The following RNF220 variants were observed in gnomAD, a reference collection of about 807,000 sequenced individuals.
The protein encoded by RNF220 is E3 ubiquitin-protein ligase RNF220.
RNF220 carries 7 observed loss-of-function variants against 67.1 expected under a neutral mutation model. The ratio of observed to expected loss-of-function variants is 0.10; its 90% CI spans 0.06 to 0.20. The LOEUF (loss-of-function observed/expected upper bound fraction) is 0.20, where lower values mean the gene tolerates loss of function less well. Ranked by LOEUF, RNF220 falls within the 10% of genes least tolerant of loss-of-function variation. RNF220 has a pLI of 1.00. For synonymous variants in RNF220, 270 were observed against 283.2 expected, an observed-to-expected ratio of 0.95 and a Z score of 0.47; for missense variants, 565 against 740.3, an observed-to-expected ratio of 0.76 and a Z score of 2.75.
intron 2 of RNF220, among the ~76,000 whole-genome samples, chr1:44,563,982 A>G (rs1284297946): frequency 1.3e-5 from 2 of 152,150 alleles, no homozygotes; most frequent in South Asian, 2.1e-4. Flanking sequence ...ATTCAATTCA[A>G]TTCAACATTT....
chr1:44,626,389 C>T lies in RNF220; in HGVS notation c.897C>T (p.Asp299=). 1 of 1,613,654 alleles carries T rather than the reference C, an allele frequency of 6.2e-7. No individual in the cohort carries two copies. Among genetic ancestry groups the T allele is most frequent in the Non-Finnish European group, 8.5e-7 (1 of 1,179,612 alleles). The change falls in exon 5 of 15, where the codon GAC becomes GAT. Residue 299 remains aspartate, a synonymous_variant. Coordinates refer to ENST00000361799, the MANE Select transcript of RNF220 (RefSeq NM_018150.4). ...CCACCGATGACCTCCACCATTCAGACAGATACCAGGTGAGGAGGGGTGGTG... is the reference window on the plus strand; with the variant it reads ...CCACCGATGACCTCCACCATTCAGATAGATACCAGGTGAGGAGGGGTGGTG... ...SSATDDLHHS[D]RYQTFLRVRA...
chr1:44,457,525 G>T (rs1461313301), intron 2 of RNF220, among the ~76,000 whole-genome samples: 1 of 151,736 alleles, frequency 6.6e-6, no homozygotes, highest in Non-Finnish European at 1.5e-5. Flanking sequence ...TTTACAATAA[G>T]ATGGTAAAGG....
Position 44,650,216 on chromosome 1 carries a change from G to A in RNF220, c.1629+259G>A. 7.0e-6 allele frequency: 4 copies of A among 570,898 alleles called. No homozygotes were observed. The highest frequency in any genetic ancestry group is 1.3e-5 in the Non-Finnish European group (4 of 319,662). The allele number at this position is 570,898 out of a possible 1,614,324, so 35.4% of individuals were successfully genotyped here. On this transcript the variant is annotated intron_variant, in intron 14 of 14. Coordinates refer to ENST00000361799, the MANE Select transcript of RNF220 (RefSeq NM_018150.4). The surrounding 1 kb of genome is among the most constrained non-coding windows in gnomAD (Gnocchi z 4.3). ...CCGCCCCGGTCCCCGAAGGCCCACT[G>A]CATCACACAGACTGGTGAGGCCTGG...
intron 2 of RNF220, among the ~76,000 whole-genome samples, chr1:44,577,851 T>TC (rs1467590334): frequency 6.6e-6 from 1 of 151,912 alleles, no homozygotes; most frequent in African/African-American, 2.4e-5. Context: ...TTTTTTTTTT[T>TC]TTTGAGAAAG....
In RNF220 at chr1:44,645,505, G is replaced by T; in HGVS notation, c.1445+17G>T. ...CATCGAGAAGTAAGTGTTTGGCCAG[G>T]AGAGAGCCCTGGGACCACAGTTCAG... is the stretch of plus-strand genomic sequence containing the variant. On this transcript the variant is annotated intron_variant, in intron 12 of 14. Transcript: ENST00000361799. This position sits in a 1 kb window ranked among gnomAD's most constrained non-coding sequence, Gnocchi z 5.0. 1 of 1,612,526 alleles carries T rather than the reference G, an allele frequency of 6.2e-7. No individual in the cohort carries two copies. The highest frequency in any genetic ancestry group is 8.5e-7 in the Non-Finnish European group (1 of 1,179,240).
At chr1:44,516,992 C>T (rs1659502978) in intron 2 of RNF220, among the ~76,000 whole-genome samples, 2 of 152,098 alleles carry the variant, frequency 1.3e-5, no homozygotes, top group South Asian at 4.1e-4. Context: ...CCTCCCCATC[C>T]ACTTGTCCAA....
intron 2 of RNF220, among the ~76,000 whole-genome samples, chr1:44,495,507 G>T (rs1242445625): frequency 6.6e-6 from 1 of 152,200 alleles, no homozygotes; most frequent in Non-Finnish European, 1.5e-5. Flanking sequence ...GTTAGTAAGG[G>T]AACGTAACCT....
chr1:44,614,341 C>A, intron 3 of RNF220, 44 bp downstream of exon 3: 1 of 1,603,422 alleles, frequency 6.2e-7, no homozygotes, highest in Non-Finnish European at 8.5e-7. Flanking sequence ...GGAGTCCACT[C>A]AGGGTTCTGG....
At chr1:44,557,418 A>G (rs191899996) in intron 2 of RNF220, among the ~76,000 whole-genome samples, 4 of 145,974 alleles carry the variant, frequency 2.7e-5, no homozygotes, top group African/African-American at 5.0e-5. Context: ...GAAGGAAGGA[A>G]GGAGGGAGGG....
chr1:44,558,667 C>T (rs936740115), intron 2 of RNF220, among the ~76,000 whole-genome samples: 2 of 152,158 alleles, frequency 1.3e-5, no homozygotes, highest in Non-Finnish European at 2.9e-5. Context: ...ACAACCTCCC[C>T]CAAGATCACG....
intron 2 of RNF220, among the ~76,000 whole-genome samples, chr1:44,494,297 C>T (rs1247675410): frequency 2.7e-5 from 4 of 150,620 alleles, no homozygotes; most frequent in African/African-American, 9.8e-5. Context: ...ACTTAAGAGA[C>T]ATTACGGGGC....
rs144307189 is a variant in RNF220 at position 44,478,000 on chromosome 1, A to G, written c.625+65278A>G. On this transcript the variant is annotated intron_variant, in intron 2 of 14. Transcript: ENST00000361799. ...GTTTTTATTTCATTTATTTATTGAG[A>G]CAGGGTCTCGCTCTGTCACCCAGGC... is the stretch of plus-strand genomic sequence containing the variant. Among the ~76,000 whole-genome samples the G allele has an allele frequency of 1.1e-4, 17 of 152,226 alleles. No homozygotes were observed. The East Asian group carries it at 3.1e-3, about 28-fold the overall frequency.
rs1200449378 is a variant in RNF220 at position 44,417,026 on chromosome 1, T to C, written c.625+4304T>C. Among the ~76,000 whole-genome samples the C allele has an allele frequency of 6.6e-6, 1 of 152,030 alleles. No individual in the cohort carries two copies. Among genetic ancestry groups the C allele is most frequent in the Admixed American group, 6.5e-5 (1 of 15,270 alleles). Reference sequence around the variant, plus strand: ...GAGGGGGGATACTTTCCAAGGGCTCTGGGACTGGGGTGGGCAGGGACTCTA... The same window carrying C: ...GAGGGGGGATACTTTCCAAGGGCTCCGGGACTGGGGTGGGCAGGGACTCTA... On this transcript the variant is annotated intron_variant, in intron 2 of 14. Transcript: ENST00000361799. This position sits in a 1 kb window ranked among gnomAD's most constrained non-coding sequence, Gnocchi z 4.0.
At chr1:44,548,744 A>T (rs981543698) in intron 2 of RNF220, among the ~76,000 whole-genome samples, 1 of 152,108 alleles carries the variant, frequency 6.6e-6, no homozygotes, top group African/African-American at 2.4e-5. Flanking sequence ...CTCCTACTTC[A>T]GCCTCCCAAA....
At chr1:44,610,136 G>A (rs756385543) in intron 2 of RNF220, among the ~76,000 whole-genome samples, 2 of 152,218 alleles carry the variant, frequency 1.3e-5, no homozygotes, top group African/African-American at 2.4e-5. Context: ...CGGAATGAGC[G>A]ATCCATCTTT....
At chr1:44,603,185 C>T (rs1667047734) in intron 2 of RNF220, among the ~76,000 whole-genome samples, 2 of 152,356 alleles carry the variant, frequency 1.3e-5, no homozygotes, top group Admixed American at 6.5e-5. Context: ...ATTTCCTTAT[C>T]GGCGTATTAT....
chr1:44,566,335 G>A (rs1054415297), intron 2 of RNF220, among the ~76,000 whole-genome samples: 1 of 152,178 alleles, frequency 6.6e-6, no homozygotes, highest in African/African-American at 2.4e-5. Flanking sequence ...GGTGGGAGGT[G>A]GGTACCCAGG....
chr1:44,509,662 C>T (rs541980209), intron 2 of RNF220, among the ~76,000 whole-genome samples: 138 of 151,540 alleles, frequency 9.1e-4, no homozygotes, highest in Non-Finnish European at 1.6e-3. Context: ...CCAAAGCAGG[C>T]GGATCACTTG....
intron 2 of RNF220, among the ~76,000 whole-genome samples, chr1:44,426,515 T>G (rs1572461703): frequency 1.3e-5 from 2 of 152,208 alleles, no homozygotes; most frequent in Admixed American, 1.3e-4. Flanking sequence ...TCACCTAAGG[T>G]CAGGAGTTCG....
Sources: gnomAD v4.1 joint callset for allele counts (sites outside exome capture counted in the v4.1 genomes callset) on GRCh38, gnomAD v4.1.1 for gene constraint, Gnocchi (gnomAD v3.1) non-coding constraint, MANE v1.5 for transcripts, NCBI Gene and HGNC (gene_info 2026-07-23, HGNC 2026-07-21) for gene names.